Variants in CNTN4 observed in about 807,000 individuals in gnomAD.
CNTN4 encodes the protein contactin-4.
A neutral mutation model predicts 122.5 loss-of-function variants in CNTN4; 77 were observed. The observed-to-expected ratio is 0.63, with a 90% CI of 0.52 to 0.76. The LOEUF (loss-of-function observed/expected upper bound fraction) is 0.76. Among genes scored for constraint, CNTN4 ranks in the 30% least tolerant of loss-of-function variants. CNTN4 has a pLI of 0.00. For synonymous variants in CNTN4, 512 were observed against 447.0 expected (o/e 1.15, Z -1.83); for missense variants, 1,256 against 1,259.1 (o/e 1.00, Z 0.04).
chr3:2,389,307 C>G lies in CNTN4; in HGVS notation c.-89+50074C>G, dbSNP rs189015801. ...ATGTTGTTCTCGGAGAAACCTTCCC[C>G]GTGATGTATCTTCACATGGCTGCAG... On this transcript the variant is annotated intron_variant, in intron 3 of 24. Coordinates refer to ENST00000418658, the MANE Select transcript of CNTN4 (RefSeq NM_175607.3). Among the ~76,000 whole-genome samples, 13 of 104,794 alleles carry G rather than the reference C, an allele frequency of 1.2e-4. 1 individual carries two copies. The highest frequency in any genetic ancestry group is 4.2e-4 in the African/African-American group (13 of 30,930). 68.7% of individuals were successfully genotyped at this position (104,794 alleles called of 152,430 possible).
rs554345519 is a variant in CNTN4, at chr3:2,343,293, A to G, written c.-89+4060A>G. Among the ~76,000 whole-genome samples, 196 of 152,290 alleles carry G rather than the reference A, an allele frequency of 1.3e-3. 1 individual carries two copies. Among genetic ancestry groups the G allele is most frequent in the Admixed American group, 2.4e-3 (37 of 15,298 alleles). Reference sequence around the variant, plus strand: ...CCCTTTGTACTGCATTGCCGATGAAAAATGGAAAGTACCTCTGATTGGTTC... The same window carrying G: ...CCCTTTGTACTGCATTGCCGATGAAGAATGGAAAGTACCTCTGATTGGTTC... On this transcript the variant is annotated intron_variant, in intron 3 of 24. Transcript: ENST00000418658.
chr3:2,238,838 C>T (rs1164708801), intron 2 of CNTN4: 1 of 102,136 alleles, frequency 9.8e-6, no homozygotes, highest in Non-Finnish European at 2.1e-5. Context: ...CGCCATTCTC[C>T]CGCCTCAGCC....
chr3:2,734,648 CT>C (rs71058638), intron 4 of CNTN4, among the ~76,000 whole-genome samples: 5,103 of 139,430 alleles, frequency 0.037, 72 homozygotes, highest in Non-Finnish European at 0.045. Context: ...GCATGAAGTG[CT>C]TTTTTTTTTT....
intron 2 of CNTN4, among the ~76,000 whole-genome samples, chr3:2,104,407 C>T (rs1471843838): frequency 6.6e-6 from 1 of 152,118 alleles, no homozygotes; most frequent in Non-Finnish European, 1.5e-5. Context: ...CTTATTTTAA[C>T]TTTTTACTTC....
chr3:2,517,268 G>C (rs2077066034), intron 3 of CNTN4, among the ~76,000 whole-genome samples: 1 of 152,084 alleles, frequency 6.6e-6, no homozygotes, highest in Non-Finnish European at 1.5e-5. Flanking sequence ...AGTGTTTCTG[G>C]AGTAGTTAAT....
chr3:2,583,729 A>G (rs1484391950), intron 4 of CNTN4, among the ~76,000 whole-genome samples: 1 of 152,174 alleles, frequency 6.6e-6, no homozygotes, highest in Non-Finnish European at 1.5e-5. Context: ...ATAACTGTTC[A>G]TTCATTTAAT....
chr3:2,135,125 A>G (rs1311987157), intron 2 of CNTN4, among the ~76,000 whole-genome samples: 1 of 152,160 alleles, frequency 6.6e-6, no homozygotes, highest in Non-Finnish European at 1.5e-5. Context: ...AAAATATTCT[A>G]GGGGCCAGCA....
At chr3:2,417,815 C>CT (rs2047471297) in intron 3 of CNTN4, among the ~76,000 whole-genome samples, 1 of 152,066 alleles carries the variant, frequency 6.6e-6, no homozygotes, top group African/African-American at 2.4e-5. Context: ...AAGAAATGAG[C>CT]TATCAAGCCA....
chr3:2,400,484 A>G (rs904438862), intron 3 of CNTN4, among the ~76,000 whole-genome samples: 1 of 140,720 alleles, frequency 7.1e-6, no homozygotes, highest in Admixed American at 7.3e-5. Context: ...TTTTATTACA[A>G]GATATTGGAA....
At chr3:2,961,021 G>C (rs1489814755) in intron 13 of CNTN4, among the ~76,000 whole-genome samples, 3 of 128,364 alleles carry the variant, frequency 2.3e-5, no homozygotes, top group African/African-American at 8.2e-5. Context: ...ACGAGGTCAG[G>C]AGATCGAGAC....
chr3:2,190,934 C>T (rs73098034), intron 2 of CNTN4, among the ~76,000 whole-genome samples: 3,779 of 152,002 alleles, frequency 0.025, 151 homozygotes, highest in African/African-American at 0.087. Flanking sequence ...ATTAGCTGGG[C>T]TGGTCTTTAC....
At chr3:2,465,693 C>T in intron 3 of CNTN4, among the ~76,000 whole-genome samples, 1 of 151,732 alleles carries the variant, frequency 6.6e-6, no homozygotes, top group Middle Eastern at 3.2e-3. Context: ...ATAAAAAATT[C>T]AAATAAAAAA....
chr3:2,923,667 C>G (rs914721810), intron 12 of CNTN4, among the ~76,000 whole-genome samples: 2 of 152,218 alleles, frequency 1.3e-5, no homozygotes, highest in African/African-American at 4.8e-5. Context: ...GCTTAGCAAT[C>G]TCAACTCTTC....
intron 2 of CNTN4, among the ~76,000 whole-genome samples, chr3:2,204,567 A>G (rs961698315): frequency 4.6e-5 from 7 of 152,326 alleles, no homozygotes; most frequent in African/African-American, 1.7e-4. Flanking sequence ...CATAAACACA[A>G]CCTTTAAACA....
At chr3:2,807,061 T>C (rs1299217505) in intron 6 of CNTN4, among the ~76,000 whole-genome samples, 1 of 152,226 alleles carries the variant, frequency 6.6e-6, no homozygotes, top group Non-Finnish European at 1.5e-5. Flanking sequence ...TGCTTTGTTT[T>C]GTTTTGTCAG....
At chr3:2,319,357 C>A (rs186963892) in intron 2 of CNTN4, among the ~76,000 whole-genome samples, 11 of 152,226 alleles carry the variant, frequency 7.2e-5, no homozygotes, top group African/African-American at 2.4e-4. Context: ...ATCTGAAAGC[C>A]AGAACACTTA....
At chr3:2,235,627 T>C (rs2039652452) in intron 2 of CNTN4, among the ~76,000 whole-genome samples, 1 of 152,172 alleles carries the variant, frequency 6.6e-6, no homozygotes, top group Non-Finnish European at 1.5e-5. Flanking sequence ...CTTGATTATG[T>C]ATTTTGATTA....
At chr3:2,559,364 G>A (rs2078851396) in intron 3 of CNTN4, among the ~76,000 whole-genome samples, 1 of 152,082 alleles carries the variant, frequency 6.6e-6, no homozygotes. Flanking sequence ...CAATACACTG[G>A]GAGGAAATTG....
intron 3 of CNTN4, among the ~76,000 whole-genome samples, chr3:2,440,603 TG>T (rs2048398777): frequency 6.6e-6 from 1 of 152,014 alleles, no homozygotes; most frequent in African/African-American, 2.4e-5. Flanking sequence ...CTTTGAATGA[TG>T]GGGTATCTAT....
Sources: allele counts gnomAD v4.1 joint callset (sites outside exome capture counted in the v4.1 genomes callset), GRCh38; gene constraint gnomAD v4.1.1; transcripts MANE v1.5; gene names NCBI Gene and HGNC (gene_info 2026-07-23, HGNC 2026-07-21).